HSDL2: variants seen among roughly 807,000 people sequenced by gnomAD.
HSDL2 encodes the protein hydroxysteroid dehydrogenase like 2.
HSDL2 carries 27 observed loss-of-function variants against 46.3 expected under a neutral mutation model. The observed-to-expected ratio is 0.58, with a 90% CI of 0.43 to 0.80. The LOEUF (loss-of-function observed/expected upper bound fraction) is 0.80. Among genes scored for constraint, HSDL2 ranks in the 30% least tolerant of loss-of-function variants. HSDL2 has a pLI of 0.00. For missense variants in HSDL2, 451 were observed against 502.7 expected (o/e 0.90, Z 0.98); for synonymous variants, 153 against 163.6 (o/e 0.94, Z 0.50).
At chr9:112,392,921 C>T (rs570428880) in intron 1 of HSDL2, among the ~76,000 whole-genome samples, 1 of 152,318 alleles carries the variant, frequency 6.6e-6, no homozygotes, top group East Asian at 1.9e-4. Flanking sequence ...ATGAAATCTT[C>T]ACAATTTATA....
intron 2 of HSDL2, 149 bp downstream of exon 2, chr9:112,404,307 G>A: frequency 1.4e-6 from 1 of 722,792 alleles, no homozygotes; most frequent in South Asian, 2.2e-5. Flanking sequence ...TCACCTTGGG[G>A]CAGTGCTTCT....
chr9:112,424,337 T>A (rs904225272), intron 6 of HSDL2, among the ~76,000 whole-genome samples: 231 of 134,034 alleles, frequency 1.7e-3, no homozygotes, highest in African/African-American at 5.7e-3. Context: ...AAAAAAAAAA[T>A]TATATTTTCT....
intron 8 of HSDL2, among the ~76,000 whole-genome samples, chr9:112,443,496 T>TTGAA (rs1375703663): frequency 6.6e-6 from 1 of 152,188 alleles, no homozygotes; most frequent in East Asian, 1.9e-4. Flanking sequence ...TTCCTAACAC[T>TTGAA]TGAATACTTA....
At chr9:112,468,605 T>TC (rs1277017693) in intron 10 of HSDL2, among the ~76,000 whole-genome samples, 1 of 151,752 alleles carries the variant, frequency 6.6e-6, no homozygotes, top group East Asian at 1.9e-4. Flanking sequence ...CTCTCCTTCA[T>TC]CCCCTCTTCT....
intron 8 of HSDL2, among the ~76,000 whole-genome samples, chr9:112,445,778 C>T (rs1832744821): frequency 6.6e-6 from 1 of 152,174 alleles, no homozygotes; most frequent in Non-Finnish European, 1.5e-5. Flanking sequence ...CCCACCTTGG[C>T]CTCCCAAAGT....
At chr9:112,381,159 T>C (rs1401921007) in intron 1 of HSDL2, among the ~76,000 whole-genome samples, 1 of 150,892 alleles carries the variant, frequency 6.6e-6, no homozygotes, top group African/African-American at 2.4e-5. Context: ...TTCTTGGTCT[T>C]GCTACTTTTA....
intron 4 of HSDL2, among the ~76,000 whole-genome samples, chr9:112,415,326 A>T (rs1831967257): frequency 6.6e-6 from 1 of 152,192 alleles, no homozygotes; most frequent in Admixed American, 6.6e-5. Context: ...AACAACAGCG[A>T]TTGTTTATTT....
At chr9:112,449,749 C>G (rs1372277211) in intron 8 of HSDL2, among the ~76,000 whole-genome samples, 1 of 151,746 alleles carries the variant, frequency 6.6e-6, no homozygotes, top group Non-Finnish European at 1.5e-5. Context: ...TCTGTAATCC[C>G]AGCTGCCCAG....
At chr9:112,437,609 C>T (rs373590822) in intron 6 of HSDL2, among the ~76,000 whole-genome samples, 1 of 151,994 alleles carries the variant, frequency 6.6e-6, no homozygotes, top group Non-Finnish European at 1.5e-5. Flanking sequence ...GTTAAAGAGG[C>T]GAAACAAGCT....
intron 4 of HSDL2, among the ~76,000 whole-genome samples, chr9:112,410,153 C>T (rs897340843): frequency 6.6e-6 from 1 of 152,160 alleles, no homozygotes; most frequent in Admixed American, 6.6e-5. Context: ...TGTAGACTAT[C>T]GAATGAAAGA....
chr9:112,450,401 G>A (rs1055886834), intron 8 of HSDL2, among the ~76,000 whole-genome samples: 5 of 151,930 alleles, frequency 3.3e-5, no homozygotes, highest in Admixed American at 6.6e-5. Flanking sequence ...AGGCTGAGGC[G>A]AGCAGATCAC....
chr9:112,421,077 C>T (rs1244708508), intron 6 of HSDL2, among the ~76,000 whole-genome samples: 2 of 152,052 alleles, frequency 1.3e-5, no homozygotes, highest in Non-Finnish European at 2.9e-5. Context: ...TGCTTGTAAT[C>T]CCAACACTTT....
rs750494277 is a variant in HSDL2, at chr9:112,438,434, T to C, written c.602T>C (p.Ile201Thr). Reference protein sequence around the residue: ...AVNALWPKTAIHTAAMDMLGG... With the variant: ...AVNALWPKTATHTAAMDMLGG... ...TGTGTGTGTGTTTTCTCTACAGCCATACACACTGCTGCTATGGATATGCTG... is the reference window on the plus strand; with the variant it reads ...TGTGTGTGTGTTTTCTCTACAGCCACACACACTGCTGCTATGGATATGCTG... Residue 201 changes from isoleucine to threonine, a missense_variant, in exon 7 of 11, where the codon ATA becomes ACA. Physicochemically the swap from Ile to Thr is moderately conservative, Grantham distance 89. Transcript: ENST00000398805. The C allele has an allele frequency of 6.3e-7, 1 of 1,588,044 alleles. No homozygotes were observed. Among genetic ancestry groups the C allele is most frequent in the East Asian group, 2.3e-5 (1 of 44,354 alleles).
chr9:112,416,288 G>A (rs959279845), intron 4 of HSDL2, among the ~76,000 whole-genome samples: 1 of 151,748 alleles, frequency 6.6e-6, no homozygotes, highest in Non-Finnish European at 1.5e-5. Context: ...AGGTAGCTGG[G>A]CATGCTGGCA....
At chr9:112,440,683 G>C (rs945078124) in intron 7 of HSDL2, among the ~76,000 whole-genome samples, 2 of 152,028 alleles carry the variant, frequency 1.3e-5, no homozygotes, top group Non-Finnish European at 2.9e-5. Flanking sequence ...GACCATACTG[G>C]GCAACATGGC....
At chr9:112,399,119 A>G (rs1053772714) in intron 1 of HSDL2, among the ~76,000 whole-genome samples, 2 of 152,168 alleles carry the variant, frequency 1.3e-5, no homozygotes, top group African/African-American at 2.4e-5. Flanking sequence ...TAATATTTCA[A>G]TGTAGGTTCT....
At chr9:112,396,483 C>T (rs973884292) in intron 1 of HSDL2, among the ~76,000 whole-genome samples, 1 of 152,164 alleles carries the variant, frequency 6.6e-6, no homozygotes, top group Non-Finnish European at 1.5e-5. Context: ...CCCAGGGCCC[C>T]GTGTCTTATC....
At chr9:112,441,867 G>A in intron 8 of HSDL2, 97 bp downstream of exon 8, 1 of 756,186 alleles carries the variant, frequency 1.3e-6, no homozygotes, top group Non-Finnish European at 2.2e-6. Context: ...TGACATTTCT[G>A]CCTTCTGTTT....
intron 4 of HSDL2, among the ~76,000 whole-genome samples, chr9:112,412,751 C>A (rs1392561416): frequency 6.6e-6 from 1 of 152,082 alleles, no homozygotes; most frequent in Non-Finnish European, 1.5e-5. Context: ...ATATTGAGGT[C>A]ATTTTTCAAA....
Sources: gnomAD v4.1 joint callset for allele counts (sites outside exome capture counted in the v4.1 genomes callset) on GRCh38, gnomAD v4.1.1 for gene constraint, MANE v1.5 for transcripts, NCBI Gene and HGNC (gene_info 2026-07-23, HGNC 2026-07-21) for gene names.